Variants in THSD4 observed in about 807,000 individuals in gnomAD.
The protein encoded by THSD4 is thrombospondin type-1 domain-containing protein 4.
Under a neutral mutation model 119.0 loss-of-function variants are expected in THSD4, and 69 were observed. The ratio of observed to expected loss-of-function variants is 0.58; its 90% CI spans 0.48 to 0.71. THSD4 has a LOEUF of 0.71. Ranked by LOEUF, THSD4 falls within the 30% of genes least tolerant of loss-of-function variation. The pLI, the probability that THSD4 is intolerant of heterozygous loss-of-function variation, is 0.00. For synonymous variants in THSD4, 524 were observed against 540.4 expected (o/e 0.97, Z 0.42); for missense variants, 1,393 against 1,391.1 (o/e 1.00, Z -0.02).
At chr15:71,368,209 A>G (rs892498576) in intron 6 of THSD4, among the ~76,000 whole-genome samples, 123 of 152,138 alleles carry the variant, frequency 8.1e-4, no homozygotes, top group African/African-American at 2.9e-3. Context: ...AGTAGATTGC[A>G]AAAATTTTCT....
intron 7 of THSD4, among the ~76,000 whole-genome samples, chr15:71,657,598 C>T (rs1207047257): frequency 6.6e-6 from 1 of 152,176 alleles, no homozygotes; most frequent in East Asian, 1.9e-4. Context: ...GCCTGGGTAG[C>T]CACTAGAACA....
At chr15:71,713,766 T>C (rs909165458) in intron 8 of THSD4, among the ~76,000 whole-genome samples, 1 of 152,156 alleles carries the variant, frequency 6.6e-6, no homozygotes, top group Admixed American at 6.5e-5. Context: ...ATTTGAGCCA[T>C]CTTAAATAAT....
At chr15:71,294,086 C>G (rs1485252154) in intron 6 of THSD4, among the ~76,000 whole-genome samples, 2 of 152,186 alleles carry the variant, frequency 1.3e-5, no homozygotes, top group Non-Finnish European at 2.9e-5. Context: ...CTTCTGTTCT[C>G]ATTTATCTTC....
intron 4 of THSD4, among the ~76,000 whole-genome samples, chr15:71,219,180 T>G (rs1209359604): frequency 6.6e-6 from 1 of 152,196 alleles, no homozygotes; most frequent in Non-Finnish European, 1.5e-5. Context: ...GTTTTCAACC[T>G]TGACTGACTG....
At chr15:71,608,013 G>A (rs1238787544) in intron 7 of THSD4, among the ~76,000 whole-genome samples, 3 of 152,058 alleles carry the variant, frequency 2.0e-5, no homozygotes, top group Non-Finnish European at 4.4e-5. Context: ...CACGAGGTCA[G>A]GAGTTCAAGA....
rs1385868874 is a variant in THSD4, at chr15:71,686,618, G to C, written c.1357+25884G>C. ...CCATATTGCTAAGCTTGGGTTATAAGGACAAAGGAAGAGGAGGAGTCCCTA... is the reference window on the plus strand; with the variant it reads ...CCATATTGCTAAGCTTGGGTTATAACGACAAAGGAAGAGGAGGAGTCCCTA... On this transcript the variant is annotated intron_variant, in intron 8 of 17. Coordinates refer to ENST00000261862, the MANE Select transcript of THSD4 (RefSeq NM_024817.3). Among the ~76,000 whole-genome samples, 3 of 152,242 alleles carry C rather than the reference G, an allele frequency of 2.0e-5. No homozygotes were observed. In the East Asian group the frequency reaches 5.8e-4, roughly 29 times the overall value.
intron 7 of THSD4, among the ~76,000 whole-genome samples, chr15:71,577,866 G>A (rs1433310852): frequency 6.6e-6 from 1 of 151,196 alleles, no homozygotes; most frequent in African/African-American, 2.4e-5. Flanking sequence ...GATTACTGGC[G>A]CCCACCATGC....
At chr15:71,706,847 G>A (rs188266241) in intron 8 of THSD4, among the ~76,000 whole-genome samples, 11 of 152,354 alleles carry the variant, frequency 7.2e-5, no homozygotes, top group Non-Finnish European at 1.3e-4. Context: ...TGAAGAGGAG[G>A]AGGAGGATTA....
At chr15:71,188,375 G>A (rs1288571612) in intron 3 of THSD4, among the ~76,000 whole-genome samples, 3 of 152,146 alleles carry the variant, frequency 2.0e-5, no homozygotes, top group Non-Finnish European at 4.4e-5. Context: ...CTTCCTCTGG[G>A]AAGAGGAGAG....
At chr15:71,371,376 A>G (rs1596375554) in intron 6 of THSD4, among the ~76,000 whole-genome samples, 1 of 152,136 alleles carries the variant, frequency 6.6e-6, no homozygotes, top group Non-Finnish European at 1.5e-5. Context: ...CCTAGCATCG[A>G]TGGTCTTTAC....
chr15:71,309,896 A>C (rs891383801), intron 6 of THSD4, among the ~76,000 whole-genome samples: 7 of 152,222 alleles, frequency 4.6e-5, no homozygotes, highest in Non-Finnish European at 8.8e-5. Flanking sequence ...AAACAGCCCC[A>C]GTGCTGACCT....
chr15:71,429,889 T>G (rs758840865), intron 7 of THSD4, among the ~76,000 whole-genome samples: 6 of 152,210 alleles, frequency 3.9e-5, no homozygotes, highest in Non-Finnish European at 8.8e-5. Flanking sequence ...AAATTAGACC[T>G]CTATCCATGA....
intron 7 of THSD4, among the ~76,000 whole-genome samples, chr15:71,467,380 A>G (rs2047515356): frequency 6.6e-6 from 1 of 152,220 alleles, no homozygotes; most frequent in Non-Finnish European, 1.5e-5. Flanking sequence ...GAATACCTGA[A>G]GAAATGATTA....
At chr15:71,554,095 G>GTTT (rs58075201) in intron 7 of THSD4, among the ~76,000 whole-genome samples, 45,907 of 137,222 alleles carry the variant, frequency 0.33, 8,360 homozygotes, top group Non-Finnish European at 0.4. Context: ...GTTTGGTTTG[G>GTTT]TTTTTTTTTT....
At chr15:71,360,012 C>T (rs572694192) in intron 6 of THSD4, among the ~76,000 whole-genome samples, 53 of 152,226 alleles carry the variant, frequency 3.5e-4, no homozygotes, top group African/African-American at 1.1e-3. Flanking sequence ...TATTATCTTT[C>T]GTGGTTCTGG....
At chr15:71,535,758 C>A (rs1291569990) in intron 7 of THSD4, among the ~76,000 whole-genome samples, 1 of 152,086 alleles carries the variant, frequency 6.6e-6, no homozygotes, top group Admixed American at 6.6e-5. Flanking sequence ...CTATTCAAAC[C>A]TTTTGCCCAT....
intron 1 of THSD4, among the ~76,000 whole-genome samples, chr15:71,107,423 A>C (rs1276322097): frequency 1.3e-5 from 2 of 152,172 alleles, no homozygotes; most frequent in African/African-American, 4.8e-5. Context: ...GAAAAGAAAG[A>C]AAGCAAAAGA....
chr15:71,657,801 C>T (rs1429142090), intron 7 of THSD4, among the ~76,000 whole-genome samples: 1 of 152,220 alleles, frequency 6.6e-6, no homozygotes, highest in Admixed American at 6.5e-5. Context: ...TCCAGAGCAA[C>T]CATGCTCTGC....
chr15:71,439,161 G>A lies in THSD4; in HGVS notation c.1152+27338G>A, dbSNP rs1050876283. On this transcript the variant is annotated intron_variant, in intron 7 of 17. Coordinates refer to ENST00000261862, the MANE Select transcript of THSD4 (RefSeq NM_024817.3). ...AAAACAAATCACTGCTCCCATAGGC[G>A]GCTCTTGAGGAACCGTCTTCTGCCA... is the stretch of plus-strand genomic sequence containing the variant. Among the ~76,000 whole-genome samples the A allele has an allele frequency of 7.9e-5, 12 of 152,282 alleles. No homozygotes were observed. The South Asian group carries it at 8.3e-4, about 11-fold the overall frequency.
Sources: gnomAD v4.1 joint callset for allele counts (sites outside exome capture counted in the v4.1 genomes callset) on GRCh38, gnomAD v4.1.1 for gene constraint, MANE v1.5 for transcripts, NCBI Gene and HGNC (gene_info 2026-07-23, HGNC 2026-07-21) for gene names.